The following PLXNC1 variants were observed in gnomAD, a reference collection of about 807,000 sequenced individuals.
PLXNC1 encodes plexin-C1.
PLXNC1 carries 75 observed loss-of-function variants against 178.2 expected under a neutral mutation model. The observed-to-expected ratio is 0.42, with a 90% CI of 0.35 to 0.51. The LOEUF is 0.51. Ranked by LOEUF, PLXNC1 falls within the 20% of genes least tolerant of loss-of-function variation. The probability of loss-of-function intolerance (pLI) is 0.02; values close to 1 mark genes in which losing one functional copy is unlikely to be tolerated. For synonymous variants in PLXNC1, 790 were observed against 779.9 expected (o/e 1.01, Z -0.22); for missense variants, 1,503 against 1,984.4 (o/e 0.76, Z 4.61).
chr12:94,262,591 T>C (rs574679053), intron 20 of PLXNC1: 1 of 985,428 alleles, frequency 1.0e-6, no homozygotes, highest in East Asian at 1.1e-4. Context: ...CAGGAGGAAG[T>C]GGCATCCAGC....
intron 6 of PLXNC1, among the ~76,000 whole-genome samples, chr12:94,223,067 G>C (rs1225810067): frequency 2.0e-5 from 3 of 152,146 alleles, no homozygotes; most frequent in Non-Finnish European, 4.4e-5. Flanking sequence ...AGAAAATTAG[G>C]GTTGCCAACG....
chr12:94,151,214 C>T (rs1422595445), intron 1 of PLXNC1, among the ~76,000 whole-genome samples: 5 of 152,092 alleles, frequency 3.3e-5, no homozygotes, highest in Non-Finnish European at 7.4e-5. Flanking sequence ...GATACAGGGG[C>T]ACGTTGGCTC....
intron 2 of PLXNC1, among the ~76,000 whole-genome samples, chr12:94,176,798 A>G (rs1246696830): frequency 6.6e-6 from 1 of 152,110 alleles, no homozygotes; most frequent in Non-Finnish European, 1.5e-5. Context: ...AACATAAAAC[A>G]CAGTAAACAT....
intron 5 of PLXNC1, among the ~76,000 whole-genome samples, chr12:94,215,640 A>AT (rs1301403334): frequency 6.6e-6 from 1 of 152,120 alleles, no homozygotes; most frequent in African/African-American, 2.4e-5. Context: ...AGGAATATAG[A>AT]TTCATAGAAT....
At chr12:94,282,915 G>A (rs1201148447) in intron 23 of PLXNC1, 1 of 153,920 alleles carries the variant, frequency 6.5e-6, no homozygotes, top group Admixed American at 6.4e-5. Context: ...TGAGTGCCGA[G>A]GGCGGTGAGG....
intron 23 of PLXNC1, among the ~76,000 whole-genome samples, chr12:94,287,483 C>A (rs1966861242): frequency 6.6e-6 from 1 of 152,208 alleles, no homozygotes; most frequent in South Asian, 2.1e-4. Context: ...CGAGTTATTG[C>A]ACCCGCACCC....
In PLXNC1 at chr12:94,236,300, G is replaced by T. The variant is rs184444040; in HGVS notation, c.1981-1364G>T. On this transcript the variant is annotated intron_variant, in intron 9 of 30. Transcript: ENST00000258526. The stretch of plus-strand genomic sequence containing the variant: ...AAACCAGTCCAAAGCGCTGATGAGT[G>T]ATGGGGACGACTGTGCCGTGTAGCA... Among the ~76,000 whole-genome samples, 40 of 152,368 alleles carry T rather than the reference G, an allele frequency of 2.6e-4. No individual in the cohort carries two copies. In the East Asian group the frequency reaches 6.4e-3, roughly 24 times the overall value.
At chr12:94,153,826 A>G (rs1448636587) in intron 1 of PLXNC1, among the ~76,000 whole-genome samples, 2 of 152,230 alleles carry the variant, frequency 1.3e-5, no homozygotes, top group Admixed American at 6.5e-5. Context: ...CAACCACAGA[A>G]TGCTCACATG....
chr12:94,276,626 C>T (rs962068463), intron 21 of PLXNC1, among the ~76,000 whole-genome samples: 1 of 152,216 alleles, frequency 6.6e-6, no homozygotes, highest in African/African-American at 2.4e-5. Flanking sequence ...CTCTGTGCCT[C>T]AGTTCCCTCA....
chr12:94,191,673 A>T (rs1565802332), intron 4 of PLXNC1, among the ~76,000 whole-genome samples: 1 of 152,064 alleles, frequency 6.6e-6, no homozygotes, highest in Non-Finnish European at 1.5e-5. Context: ...AATCCCAGCA[A>T]CACGGGAGGC....
intron 4 of PLXNC1, among the ~76,000 whole-genome samples, chr12:94,192,123 C>G (rs1430631731): frequency 1.3e-5 from 2 of 152,134 alleles, no homozygotes; most frequent in African/African-American, 2.4e-5. Context: ...AGGATTGATT[C>G]CCAAGCCAGC....
intron 5 of PLXNC1, among the ~76,000 whole-genome samples, chr12:94,211,567 A>G (rs150896967): frequency 5.3e-5 from 8 of 152,362 alleles, no homozygotes; most frequent in African/African-American, 1.7e-4. Context: ...CTACCTGCCT[A>G]TCATATGCCT....
intron 1 of PLXNC1, among the ~76,000 whole-genome samples, chr12:94,156,556 C>A (rs1433233491): frequency 6.6e-6 from 1 of 151,320 alleles, no homozygotes; most frequent in Admixed American, 6.6e-5. Flanking sequence ...CGGCTCACTG[C>A]AACTACCTCC....
chr12:94,234,009 C>T (rs1220598528), intron 9 of PLXNC1, among the ~76,000 whole-genome samples: 1 of 152,074 alleles, frequency 6.6e-6, no homozygotes, highest in African/African-American at 2.4e-5. Context: ...TTTCAGATTT[C>T]CAGCTGGTTT....
rs538493791 is a variant in PLXNC1 at position 94,160,856 on chromosome 12, A to G, written c.1063-8297A>G. On this transcript the variant is annotated intron_variant, in intron 1 of 30. Coordinates refer to ENST00000258526, the MANE Select transcript of PLXNC1 (RefSeq NM_005761.3). ...ATGTTTTTTCAATTAAAGGTATAGT[A>G]ATGTATCTTAACACATTCAATAGCA... Among the ~76,000 whole-genome samples the G allele has an allele frequency of 4.6e-5, 7 of 152,362 alleles. No individual in the cohort carries two copies. The East Asian group carries it at 9.6e-4, about 21-fold the overall frequency.
chr12:94,259,346 T>G lies in PLXNC1; in HGVS notation c.3097T>G (p.Phe1033Val). 1 of 1,595,212 alleles carries G rather than the reference T, an allele frequency of 6.3e-7. No individual in the cohort carries two copies. Among genetic ancestry groups the G allele is most frequent in the Non-Finnish European group, 8.5e-7 (1 of 1,174,160 alleles). The change falls in exon 18 of 31, where the codon TTC becomes GTC. Residue 1033 changes from phenylalanine (F) to valine (V), a missense_variant. This residue lies in a region of PLXNC1 where 639 missense variants were observed against 979.7 expected (regional missense o/e 0.65). Transcript: ENST00000258526. Reference protein sequence around the residue: ...LRTFFPESGGFTHIFTEDMHN... With the variant: ...LRTFFPESGGVTHIFTEDMHN... ...GTCTCCTTCCTCTCAGTCAGGTGGC[T>G]TCACCCACATCTTCACTGAAGATAT...
At chr12:94,194,259 A>G (rs969894546) in intron 4 of PLXNC1, among the ~76,000 whole-genome samples, 1 of 152,276 alleles carries the variant, frequency 6.6e-6, no homozygotes, top group Non-Finnish European at 1.5e-5. Flanking sequence ...CCATGATCCA[A>G]TCACCTTTCA....
At chr12:94,215,072 A>G (rs899122371) in intron 5 of PLXNC1, among the ~76,000 whole-genome samples, 1 of 152,030 alleles carries the variant, frequency 6.6e-6, no homozygotes, top group African/African-American at 2.4e-5. Context: ...AATTTTTTAT[A>G]TTTTAAGTAG....
At chr12:94,160,225 A>G (rs1961329472) in intron 1 of PLXNC1, among the ~76,000 whole-genome samples, 1 of 152,152 alleles carries the variant, frequency 6.6e-6, no homozygotes, top group South Asian at 2.1e-4. Flanking sequence ...GGCATCTATC[A>G]GGTTGGCTAA....
Sources: allele counts gnomAD v4.1 joint callset (sites outside exome capture counted in the v4.1 genomes callset), GRCh38; gene constraint gnomAD v4.1.1; regional missense constraint gnomAD v4.1.1; transcripts MANE v1.5; gene names NCBI Gene and HGNC (gene_info 2026-07-23, HGNC 2026-07-21).